Variants in SRBD1 observed in about 807,000 individuals in gnomAD.
SRBD1 encodes the protein S1 RNA binding domain 1.
A neutral mutation model predicts 115.3 loss-of-function variants in SRBD1; 88 were observed. That is an observed-to-expected ratio of 0.76 (90% CI 0.64 to 0.91). The LOEUF is 0.91. Among genes scored for constraint, SRBD1 ranks in the 40% least tolerant of loss-of-function variants. The pLI, the probability that SRBD1 is intolerant of heterozygous loss-of-function variation, is 0.00. For missense variants in SRBD1, 1,385 were observed against 1,177.4 expected (o/e 1.18, Z -2.58); for synonymous variants, 509 against 407.7 (o/e 1.25, Z -2.99).
At chr2:45,550,305 G>A (rs1390465059) in intron 12 of SRBD1, among the ~76,000 whole-genome samples, 1 of 152,084 alleles carries the variant, frequency 6.6e-6, no homozygotes, top group Non-Finnish European at 1.5e-5. Context: ...CAAACCCTAA[G>A]TGGAATTCAT....
intron 14 of SRBD1, among the ~76,000 whole-genome samples, chr2:45,506,485 A>C (rs1173611674): frequency 6.6e-6 from 1 of 152,132 alleles, no homozygotes; most frequent in Non-Finnish European, 1.5e-5. Flanking sequence ...GAGAAGCTGG[A>C]GTTTCCTCCA....
At chr2:45,408,688 T>C (rs571274954) in intron 19 of SRBD1, among the ~76,000 whole-genome samples, 9 of 152,298 alleles carry the variant, frequency 5.9e-5, no homozygotes, top group Admixed American at 3.9e-4. Flanking sequence ...ACAAAGACTT[T>C]TAAGCCCTTT....
At chr2:45,592,640 A>C (rs755018913) in intron 4 of SRBD1, among the ~76,000 whole-genome samples, 1 of 152,172 alleles carries the variant, frequency 6.6e-6, no homozygotes, top group Non-Finnish European at 1.5e-5. Context: ...GCAGACCCTT[A>C]CAGATTTGAC....
chr2:45,575,315 A>G (rs1673143334), intron 7 of SRBD1, among the ~76,000 whole-genome samples: 1 of 152,274 alleles, frequency 6.6e-6, no homozygotes, highest in Non-Finnish European at 1.5e-5. Context: ...AATTGTCTAC[A>G]GATGAGCATT....
intron 12 of SRBD1, 109 bp downstream of exon 12, chr2:45,551,015 CT>C (rs1305818704): frequency 1.1e-5 from 15 of 1,353,964 alleles, no homozygotes; most frequent in African/African-American, 5.9e-5. Flanking sequence ...GAGAAAACCA[CT>C]TTTTAAGCCT....
chr2:45,408,786 G>C (rs1299431931), intron 19 of SRBD1, among the ~76,000 whole-genome samples: 1 of 152,080 alleles, frequency 6.6e-6, no homozygotes, highest in South Asian at 2.1e-4. Context: ...TCAATCAGTT[G>C]ATGAAACATT....
At chr2:45,482,870 T>C (rs1670009580) in intron 15 of SRBD1, among the ~76,000 whole-genome samples, 1 of 152,096 alleles carries the variant, frequency 6.6e-6, no homozygotes. Flanking sequence ...GCCATTTACT[T>C]TAAATCACCT....
intron 4 of SRBD1, among the ~76,000 whole-genome samples, chr2:45,595,138 T>C (rs563790510): frequency 6.6e-6 from 1 of 151,646 alleles, no homozygotes; most frequent in Middle Eastern, 3.4e-3. Flanking sequence ...AAACTAAACT[T>C]GTAATTTTGT....
At chr2:45,409,549 AAAG>A (rs974461563) in intron 19 of SRBD1, among the ~76,000 whole-genome samples, 70 of 151,848 alleles carry the variant, frequency 4.6e-4, no homozygotes, top group African/African-American at 1.6e-3. Flanking sequence ...AAAAGAAAAA[AAAG>A]AAGCATGAAG....
At chr2:45,410,695 C>T (rs948731438) in intron 19 of SRBD1, among the ~76,000 whole-genome samples, 1 of 152,170 alleles carries the variant, frequency 6.6e-6, no homozygotes, top group Admixed American at 6.5e-5. Flanking sequence ...CAGCTCCAGA[C>T]CCCCAACCTC....
intron 16 of SRBD1, among the ~76,000 whole-genome samples, chr2:45,436,322 C>T (rs945007035): frequency 6.6e-6 from 1 of 152,068 alleles, no homozygotes; most frequent in Non-Finnish European, 1.5e-5. Flanking sequence ...TGGTAAGAAA[C>T]CAGAATATTT....
At chr2:45,560,048 T>A (rs951977855) in intron 10 of SRBD1, among the ~76,000 whole-genome samples, 7 of 151,694 alleles carry the variant, frequency 4.6e-5, no homozygotes, top group African/African-American at 1.7e-4. Context: ...GCCACTGCAC[T>A]CCAGCATGAG....
At position 45,431,115 on chromosome 2, in the gene SRBD1, G is replaced by A. The variant is rs540988477; in HGVS notation, c.2050-11221C>T. Among the ~76,000 whole-genome samples, 604 of 152,228 alleles carry A rather than the reference G, an allele frequency of 4.0e-3. 5 individuals are homozygous for A. The highest frequency in any genetic ancestry group is 0.013 in the African/African-American group (520 of 41,530). On this transcript the variant is annotated intron_variant, in intron 16 of 20. Coordinates refer to ENST00000263736, the MANE Select transcript of SRBD1 (RefSeq NM_018079.5). ...ACAATCTCACGCTAGTTAGAATGGC[G>A]ATCATTAAAAAGTCAGGAAACAACA... is the stretch of plus-strand genomic sequence containing the variant.
intron 16 of SRBD1, among the ~76,000 whole-genome samples, chr2:45,425,027 CTT>C (rs944182956): frequency 2.9e-4 from 44 of 152,290 alleles, no homozygotes; most frequent in Non-Finnish European, 2.9e-4. Flanking sequence ...CATTGATACT[CTT>C]GAGCTTCTGA....
chr2:45,494,116 T>A lies in SRBD1; in HGVS notation c.1875-5785A>T, dbSNP rs189255034. Among the ~76,000 whole-genome samples, 551 of 152,300 alleles carry A rather than the reference T, an allele frequency of 3.6e-3. 6 individuals carry two copies. The highest frequency in any genetic ancestry group is 0.012 in the African/African-American group (508 of 41,576). On this transcript the variant is annotated intron_variant, in intron 14 of 20. Coordinates refer to ENST00000263736, the MANE Select transcript of SRBD1 (RefSeq NM_018079.5). ...CATTACAGTGTTCATTTAATTAAGCTTTCATTAAGAATTATTATTGTAAAA... is the reference window on the plus strand; with the variant it reads ...CATTACAGTGTTCATTTAATTAAGCATTCATTAAGAATTATTATTGTAAAA...
intron 16 of SRBD1, among the ~76,000 whole-genome samples, chr2:45,474,410 T>C (rs1332376311): frequency 2.0e-5 from 3 of 152,218 alleles, no homozygotes; most frequent in African/African-American, 4.8e-5. Context: ...TCATGCCAGG[T>C]GTCATGTACA....
chr2:45,545,283 T>TAAAAAAAAAAA lies in SRBD1; in HGVS notation c.1874+1438_1874+1448dup, dbSNP rs56909656. ...TGACAGAGCGAGACTCTGTCTCAATTAAAAAAAAAAAAAAAAAAAAAAAAA... is the reference window on the plus strand; with the variant it reads ...TGACAGAGCGAGACTCTGTCTCAATTAAAAAAAAAAAAAAAAAAAAAAAAAAAAAAAAAAAA... On this transcript the variant is annotated intron_variant, in intron 14 of 20. Transcript: ENST00000263736. Among the ~76,000 whole-genome samples the TAAAAAAAAAAA allele has an allele frequency of 4.1e-4, 28 of 68,564 alleles. 1 individual carries two copies. Among genetic ancestry groups the TAAAAAAAAAAA allele is most frequent in the African/African-American group, 1.4e-3 (20 of 14,776 alleles). The allele number at this position is 68,564 out of a possible 152,430, so 45.0% of individuals were successfully genotyped here.
intron 16 of SRBD1, among the ~76,000 whole-genome samples, chr2:45,458,533 T>C (rs1669219873): frequency 6.6e-6 from 1 of 152,128 alleles, no homozygotes; most frequent in Non-Finnish European, 1.5e-5. Flanking sequence ...CAACTTTATT[T>C]CCTTTCACAC....
At chr2:45,426,977 A>G (rs2103659273) in intron 16 of SRBD1, among the ~76,000 whole-genome samples, 1 of 152,364 alleles carries the variant, frequency 6.6e-6, no homozygotes, top group Middle Eastern at 3.4e-3. Context: ...CAGCAAGGGA[A>G]TAAAACTGGA....
Sources: allele counts gnomAD v4.1 joint callset (sites outside exome capture counted in the v4.1 genomes callset), GRCh38; gene constraint gnomAD v4.1.1; transcripts MANE v1.5; gene names NCBI Gene and HGNC (gene_info 2026-07-23, HGNC 2026-07-21).